Variants in EDAR observed in about 807,000 individuals in gnomAD.
EDAR encodes tumor necrosis factor receptor superfamily member EDAR.
EDAR carries 38 observed loss-of-function variants against 51.3 expected under a neutral mutation model. The ratio of observed to expected loss-of-function variants is 0.74; its 90% CI spans 0.57 to 0.97. EDAR has a LOEUF of 0.97. Among genes scored for constraint, EDAR ranks in the 50% least tolerant of loss-of-function variants. The pLI is 0.00. For synonymous variants in EDAR, 227 were observed against 242.1 expected (o/e 0.94, Z 0.58); for missense variants, 528 against 595.0 (o/e 0.89, Z 1.17).
chr2:108,946,341 T>C (rs1255727524), intron 1 of EDAR, among the ~76,000 whole-genome samples: 4 of 152,198 alleles, frequency 2.6e-5, no homozygotes, highest in African/African-American at 9.6e-5. Context: ...GTGTTCAGCA[T>C]TGCCCTGTGC....
chr2:108,934,359 CTGTT>C lies in EDAR; in HGVS notation c.-18-3331_-18-3328del, dbSNP rs779734068. On this transcript the variant is annotated intron_variant, in intron 1 of 11. Transcript: ENST00000258443. ...GCTGACGGCTCCCAGTCGTGATCTC[CTGTT>C]TGTTTTACTTTGGGGATCCCCAATC... Among the ~76,000 whole-genome samples the C allele has an allele frequency of 2.0e-3, 298 of 152,228 alleles. 1 individual carries two copies. The highest frequency in any genetic ancestry group is 3.5e-3 in the Non-Finnish European group (238 of 68,012).
Position 108,923,408 on chromosome 2 carries a change from G to A in EDAR, c.402C>T (p.Val134=). Reference sequence around the variant, plus strand: ...GGGGTGCCAGGAGGCAGGAGTAGCAGACCATGCCATAGATGTTCCTCGGTC... The same window carrying A: ...GGGGTGCCAGGAGGCAGGAGTAGCAAACCATGCCATAGATGTTCCTCGGTC... ...ENRPRNIYGM[V]CYSCLLAPPN... The change falls in exon 5 of 12, where the codon GTC becomes GTT. Residue 134 remains valine (V), a synonymous_variant. Transcript: ENST00000258443. The A allele has an allele frequency of 6.2e-7, 1 of 1,614,214 alleles. No individual in the cohort carries two copies. Among genetic ancestry groups the A allele is most frequent in the Non-Finnish European group, 8.5e-7 (1 of 1,180,050 alleles).
intron 1 of EDAR, among the ~76,000 whole-genome samples, chr2:108,939,335 C>T (rs558812871): frequency 3.3e-5 from 5 of 152,160 alleles, no homozygotes; most frequent in East Asian, 1.9e-4. Context: ...TACAGGCGTG[C>T]GCCACCACAC....
At chr2:108,941,961 C>T (rs1209916717) in intron 1 of EDAR, among the ~76,000 whole-genome samples, 2 of 152,206 alleles carry the variant, frequency 1.3e-5, no homozygotes, top group Non-Finnish European at 2.9e-5. Flanking sequence ...GTCCATGCCA[C>T]GGTTCCCTGC....
intron 1 of EDAR, among the ~76,000 whole-genome samples, chr2:108,982,826 T>G (rs1389634513): frequency 6.6e-6 from 1 of 152,170 alleles, no homozygotes; most frequent in Non-Finnish European, 1.5e-5. Context: ...AATTGCTTAG[T>G]GAGTGCTGGC....
At chr2:108,941,139 A>G (rs1172963286) in intron 1 of EDAR, among the ~76,000 whole-genome samples, 1 of 152,222 alleles carries the variant, frequency 6.6e-6, no homozygotes, top group South Asian at 2.1e-4. Flanking sequence ...AATACCTGTG[A>G]TGCGTCTGCG....
chr2:108,920,163 C>T (rs144370134), intron 5 of EDAR, among the ~76,000 whole-genome samples: 7 of 152,370 alleles, frequency 4.6e-5, no homozygotes, highest in Middle Eastern at 3.4e-3. Flanking sequence ...GGAGCCATGC[C>T]GCCTGCTGGG....
chr2:108,979,619 C>A (rs1347431792), intron 1 of EDAR, among the ~76,000 whole-genome samples: 1 of 152,038 alleles, frequency 6.6e-6, no homozygotes, highest in African/African-American at 2.4e-5. Context: ...AGGTGCAGGG[C>A]TGTGGAGAAG....
chr2:108,910,669 G>A (rs1191849054), intron 8 of EDAR, 107 bp downstream of exon 8: 1 of 1,440,762 alleles, frequency 6.9e-7, no homozygotes, highest in Non-Finnish European at 9.7e-7. Flanking sequence ...AGCACAGTAT[G>A]GTTCAGCATG....
chr2:108,946,477 A>G (rs771102665), intron 1 of EDAR, among the ~76,000 whole-genome samples: 10 of 152,204 alleles, frequency 6.6e-5, no homozygotes, highest in Non-Finnish European at 1.2e-4. Context: ...TCTCTGGCCA[A>G]ACACATATTT....
At chr2:108,932,827 T>C (rs1347043760) in intron 1 of EDAR, among the ~76,000 whole-genome samples, 3 of 152,178 alleles carry the variant, frequency 2.0e-5, no homozygotes, top group Non-Finnish European at 4.4e-5. Flanking sequence ...CATGGAAATG[T>C]CTCTTCCCAT....
chr2:108,967,579 G>C (rs909125579), intron 1 of EDAR, among the ~76,000 whole-genome samples: 7 of 152,126 alleles, frequency 4.6e-5, no homozygotes, highest in Admixed American at 4.6e-4. Flanking sequence ...CCAAGACGGG[G>C]TGGCTATAAA....
intron 5 of EDAR, among the ~76,000 whole-genome samples, chr2:108,923,091 C>T (rs561665475): frequency 3.6e-4 from 55 of 152,270 alleles, no homozygotes; most frequent in South Asian, 6.2e-4. Flanking sequence ...CCCATATTAC[C>T]GATGAGAAAA....
chr2:108,896,827 T>C lies in EDAR; in HGVS notation c.*80A>G, dbSNP rs951344216. On this transcript the variant is annotated 3_prime_UTR_variant, in exon 12 of 12. Coordinates refer to ENST00000258443, the MANE Select transcript of EDAR (RefSeq NM_022336.4). Reference sequence around the variant, plus strand: ...TCACAAAAGCCTTGATTCTTGGCAGTCTTTTGGCACCACTCACAGCTCCAG... The same window carrying C: ...TCACAAAAGCCTTGATTCTTGGCAGCCTTTTGGCACCACTCACAGCTCCAG... 1.4e-6 allele frequency: 2 copies of C among 1,404,126 alleles called. No individual in the cohort carries two copies. The highest frequency in any genetic ancestry group is 1.4e-5 in the African/African-American group (1 of 70,276). The allele number at this position is 1,404,126 out of a possible 1,614,324, so 87.0% of individuals were successfully genotyped here.
intron 1 of EDAR, among the ~76,000 whole-genome samples, chr2:108,982,070 C>T (rs116619670): frequency 0.019 from 2,918 of 152,318 alleles, 69 homozygotes; most frequent in South Asian, 0.11. Context: ...GTAACAGCAC[C>T]ATGCAATTTG....
At chr2:108,907,119 C>G (rs12328353) in intron 10 of EDAR, among the ~76,000 whole-genome samples, 11,965 of 152,284 alleles carry the variant, frequency 0.079, 563 homozygotes, top group South Asian at 0.15. Flanking sequence ...CAGCACATTA[C>G]AGGGCGGTAG....
At chr2:108,958,427 C>A (rs1697966193) in intron 1 of EDAR, among the ~76,000 whole-genome samples, 1 of 151,290 alleles carries the variant, frequency 6.6e-6, no homozygotes, top group Non-Finnish European at 1.5e-5. Context: ...AAACAAAAAA[C>A]AAAAAACAAA....
rs1236303640 is a variant in EDAR at position 108,989,219 on chromosome 2, T to C, written c.-278A>G. On this transcript the variant is annotated 5_prime_UTR_variant, in exon 1 of 12. Transcript: ENST00000258443. ...ACCGCTCCCTGCCCTGTCTGCAAGT[T>C]TGGAAACTCAGTCCTTGCCGAGGGG... The C allele has an allele frequency of 1.7e-4, 26 of 152,832 alleles. No individual in the cohort carries two copies. The Admixed American group carries it at 1.7e-3, about 10-fold the overall frequency. The allele number at this position is 152,832 out of a possible 1,614,324, so 9.5% of individuals were successfully genotyped here.
intron 1 of EDAR, among the ~76,000 whole-genome samples, chr2:108,983,638 GA>G (rs1383613932): frequency 6.6e-6 from 1 of 152,160 alleles, no homozygotes. Context: ...TCCTCCTCCA[GA>G]CTGACTTCCC....
Sources: gnomAD v4.1 joint callset for allele counts (sites outside exome capture counted in the v4.1 genomes callset) on GRCh38, gnomAD v4.1.1 for gene constraint, MANE v1.5 for transcripts, NCBI Gene and HGNC (gene_info 2026-07-23, HGNC 2026-07-21) for gene names.